TLK1: variants seen among roughly 807,000 people sequenced by gnomAD.
TLK1 encodes the protein serine/threonine-protein kinase tousled-like 1.
A neutral mutation model predicts 105.3 loss-of-function variants in TLK1; 24 were observed. The ratio of observed to expected loss-of-function variants is 0.23; its 90% confidence interval spans 0.17 to 0.32. The LOEUF is 0.32. Among genes scored for constraint, TLK1 ranks in the 10% least tolerant of loss-of-function variants. The pLI is 1.00. For synonymous variants in TLK1, 321 were observed against 310.4 expected (o/e 1.03, Z -0.36); for missense variants, 558 against 910.5 (o/e 0.61, Z 4.98).
chr2:170,995,510 ACTC>A (rs779946111), intron 20 of TLK1, among the ~76,000 whole-genome samples: 1 of 151,864 alleles, frequency 6.6e-6, no homozygotes, highest in African/African-American at 2.4e-5. Context: ...TGGCAACTCC[ACTC>A]CTCCTGGTCT....
chr2:171,047,903 T>C (rs775514304), intron 10 of TLK1, among the ~76,000 whole-genome samples: 5 of 152,190 alleles, frequency 3.3e-5, no homozygotes, highest in African/African-American at 4.8e-5. Flanking sequence ...AGGTCCTCAA[T>C]AAATGCTTAT....
At chr2:171,021,946 T>C (rs1685530890) in intron 12 of TLK1, among the ~76,000 whole-genome samples, 3 of 151,470 alleles carry the variant, frequency 2.0e-5, no homozygotes, top group South Asian at 2.1e-4. Flanking sequence ...AAAAAATATA[T>C]ATAAAAATTA....
chr2:171,183,616 G>A (rs1471323864), intron 1 of TLK1, among the ~76,000 whole-genome samples: 1 of 152,050 alleles, frequency 6.6e-6, no homozygotes, highest in African/African-American at 2.4e-5. Context: ...GTGCTTGCCT[G>A]TTAACTTTGT....
intron 1 of TLK1, among the ~76,000 whole-genome samples, chr2:171,142,644 CAGAG>C (rs569401846): frequency 6.6e-6 from 1 of 152,122 alleles, no homozygotes; most frequent in Non-Finnish European, 1.5e-5. Flanking sequence ...ACAAATTAAA[CAGAG>C]AGACAAATGT....
intron 1 of TLK1, among the ~76,000 whole-genome samples, chr2:171,213,767 T>C (rs1166478229): frequency 1.4e-5 from 2 of 143,760 alleles, no homozygotes; most frequent in African/African-American, 5.1e-5. Context: ...CTGTCACCCA[T>C]GCTAGAATGC....
At chr2:171,217,093 C>T (rs1366253262) in intron 1 of TLK1, among the ~76,000 whole-genome samples, 5 of 152,184 alleles carry the variant, frequency 3.3e-5, no homozygotes, top group Non-Finnish European at 5.9e-5. Flanking sequence ...TACCTTCCAA[C>T]AGCAGTGCCA....
intron 2 of TLK1, among the ~76,000 whole-genome samples, chr2:171,098,215 G>A (rs142371300): frequency 1.5e-3 from 231 of 152,122 alleles, no homozygotes; most frequent in African/African-American, 5.3e-3. Context: ...ATATAGTACC[G>A]TACACTTGAA....
rs563949285 is a variant in TLK1, at chr2:171,051,555, T to C, written c.733-1381A>G. Among the ~76,000 whole-genome samples the C allele has an allele frequency of 2.6e-5, 4 of 152,274 alleles. No homozygotes were observed. In the South Asian group the frequency reaches 8.3e-4, roughly 32 times the overall value. On this transcript the variant is annotated intron_variant, in intron 8 of 20. Coordinates refer to ENST00000431350, the MANE Select transcript of TLK1 (RefSeq NM_012290.5). ...GAACCTTGATGTGACCTTTGAGATATAAGCCATGAACTAACAATGACAAGG... is the reference window on the plus strand; with the variant it reads ...GAACCTTGATGTGACCTTTGAGATACAAGCCATGAACTAACAATGACAAGG...
At chr2:171,054,866 C>T (rs1370903532) in intron 7 of TLK1, 6 of 331,048 alleles carry the variant, frequency 1.8e-5, no homozygotes, top group Non-Finnish European at 2.8e-5. Flanking sequence ...ACAGAACTGA[C>T]ATGTTAACGG....
At chr2:171,030,245 G>T (rs1460748835) in intron 11 of TLK1, among the ~76,000 whole-genome samples, 1 of 152,058 alleles carries the variant, frequency 6.6e-6, no homozygotes, top group Non-Finnish European at 1.5e-5. Context: ...TTCTAAAAAA[G>T]GAGTATTCAA....
chr2:171,071,355 T>G (rs1688246334), intron 3 of TLK1, among the ~76,000 whole-genome samples: 1 of 152,096 alleles, frequency 6.6e-6, no homozygotes, highest in South Asian at 2.1e-4. Context: ...TGGCGTGATC[T>G]CAGCTCACTG....
intron 1 of TLK1, among the ~76,000 whole-genome samples, chr2:171,183,408 T>C (rs1692963631): frequency 6.6e-6 from 1 of 152,218 alleles, no homozygotes; most frequent in Non-Finnish European, 1.5e-5. Context: ...TCCCTGATAG[T>C]GAAAGAGGTT....
intron 1 of TLK1, among the ~76,000 whole-genome samples, chr2:171,200,234 T>C (rs992975820): frequency 1.3e-5 from 2 of 152,228 alleles, no homozygotes; most frequent in South Asian, 2.1e-4. Flanking sequence ...TCCACAGTTA[T>C]ATTACATTAT....
chr2:171,225,684 G>A (rs1693885012), intron 1 of TLK1, among the ~76,000 whole-genome samples: 1 of 152,052 alleles, frequency 6.6e-6, no homozygotes, highest in Non-Finnish European at 1.5e-5. Context: ...ATTTATGAAT[G>A]GATGTTCATA....
At chr2:171,008,532 T>C (rs530496866) in intron 14 of TLK1, among the ~76,000 whole-genome samples, 2 of 152,326 alleles carry the variant, frequency 1.3e-5, no homozygotes, top group South Asian at 2.1e-4. Context: ...TAATAAATTA[T>C]ATGTAACACA....
At chr2:171,134,344 T>G (rs1172851928) in intron 1 of TLK1, among the ~76,000 whole-genome samples, 3 of 152,196 alleles carry the variant, frequency 2.0e-5, no homozygotes, top group Non-Finnish European at 4.4e-5. Flanking sequence ...TTGCAATATA[T>G]TACCTTTGTA....
At chr2:171,091,566 A>G (rs749307508) in intron 2 of TLK1, 4 of 152,180 alleles carry the variant, frequency 2.6e-5, no homozygotes, top group Non-Finnish European at 4.4e-5. Context: ...CAGCAACTAG[A>G]GAAATTCTAA....
At chr2:171,087,842 A>G (rs1374203758) in intron 2 of TLK1, among the ~76,000 whole-genome samples, 1 of 152,226 alleles carries the variant, frequency 6.6e-6, no homozygotes, top group Non-Finnish European at 1.5e-5. Context: ...TAAGATGCAT[A>G]AGGCACAGCT....
chr2:171,002,067 G>T (rs35864840), intron 18 of TLK1, among the ~76,000 whole-genome samples: 1 of 151,954 alleles, frequency 6.6e-6, no homozygotes, highest in East Asian at 1.9e-4. Flanking sequence ...ATGAGCCACC[G>T]CGCCTGGCCT....
Sources: allele counts gnomAD v4.1 joint callset (sites outside exome capture counted in the v4.1 genomes callset), GRCh38; gene constraint gnomAD v4.1.1; transcripts MANE v1.5; gene names NCBI Gene and HGNC (gene_info 2026-07-23, HGNC 2026-07-21).